Variants in KIAA1671 observed in about 807,000 individuals in gnomAD.
KIAA1671 encodes the protein uncharacterized protein KIAA1671.
KIAA1671 carries 52 observed loss-of-function variants against 131.2 expected under a neutral mutation model. The ratio of observed to expected loss-of-function variants is 0.40; its 90% CI spans 0.32 to 0.50. The LOEUF is 0.50. Ranked by LOEUF, KIAA1671 falls within the 20% of genes least tolerant of loss-of-function variation. The pLI is 0.73. For synonymous variants in KIAA1671, 1,003 were observed against 961.6 expected (o/e 1.04, Z -0.80); for missense variants, 2,360 against 2,364.2 (o/e 1.00, Z 0.04).
chr22:25,053,470 G>A (rs1927655834), intron 6 of KIAA1671: 1 of 152,258 alleles, frequency 6.6e-6, no homozygotes, highest in Non-Finnish European at 1.5e-5. Flanking sequence ...TCAGCTGGGA[G>A]GCTTCCTTGC....
Position 25,177,488 on chromosome 22 carries a change from G to C in KIAA1671, c.5040G>C (p.Glu1680Asp), listed in dbSNP as rs1934076667. ...AGAGCAGATCACCTTTGGAGGATGA[G>C]ACTGACAACACGTGGATGTTCAAAG... ...ESESRSPLED[E>D]TDNTWMFKDS... is the part of the protein sequence containing the mutation. The change falls in exon 9 of 13, where the codon GAG becomes GAC. Residue 1680 changes from glutamate to aspartate, a missense_variant. This residue lies in a region of KIAA1671 where 1,161 missense variants were observed against 1,204.7 expected (regional missense o/e 0.96). Coordinates refer to ENST00000358431, the MANE Select transcript of KIAA1671 (RefSeq NM_001145206.2). 2 of 1,551,640 alleles carry C rather than the reference G, an allele frequency of 1.3e-6. No individual in the cohort carries two copies. The highest frequency in any genetic ancestry group is 2.0e-5 in the Admixed American group (1 of 51,010).
intron 6 of KIAA1671, among the ~76,000 whole-genome samples, chr22:25,074,202 T>TA (rs1163485224): frequency 6.9e-5 from 10 of 145,904 alleles, no homozygotes; most frequent in Non-Finnish European, 1.4e-4. Flanking sequence ...ATATATATAT[T>TA]ATTGAATATA....
At chr22:25,012,569 G>A (rs993041356) in intron 1 of KIAA1671, 3 of 152,002 alleles carry the variant, frequency 2.0e-5, no homozygotes, top group Admixed American at 6.6e-5. Flanking sequence ...CACCATGCCC[G>A]GCCACTTTTC....
intron 1 of KIAA1671, among the ~76,000 whole-genome samples, chr22:25,003,362 A>AAAATTAGCCAT (rs1326533014): frequency 6.6e-6 from 1 of 151,764 alleles, no homozygotes. Flanking sequence ...AAAAAAGATT[A>AAAATTAGCCAT]AAATTAGCCA....
chr22:25,001,346 G>A (rs541798243), intron 1 of KIAA1671, among the ~76,000 whole-genome samples: 2 of 152,082 alleles, frequency 1.3e-5, no homozygotes, highest in South Asian at 4.2e-4. Context: ...ATTCTTAATG[G>A]TGTCTTCTAA....
intron 6 of KIAA1671, among the ~76,000 whole-genome samples, chr22:25,139,617 G>A (rs1254154587): frequency 2.0e-5 from 3 of 152,198 alleles, no homozygotes; most frequent in Non-Finnish European, 4.4e-5. Flanking sequence ...TCTAGTTGGA[G>A]TTGGGAAGAG....
intron 1 of KIAA1671, among the ~76,000 whole-genome samples, chr22:24,956,978 T>C (rs1372746045): frequency 1.3e-5 from 2 of 152,110 alleles, no homozygotes; most frequent in Admixed American, 1.3e-4. Flanking sequence ...GGTTATGGTT[T>C]TGAGACTCGA....
chr22:25,033,091 A>G (rs1471036367), intron 4 of KIAA1671, among the ~76,000 whole-genome samples: 3 of 152,142 alleles, frequency 2.0e-5, no homozygotes, highest in South Asian at 2.1e-4. Context: ...CATAGAAGGA[A>G]GAAGTAGGTG....
intron 1 of KIAA1671, among the ~76,000 whole-genome samples, chr22:24,984,953 T>TAAAC (rs1315900210): frequency 9.0e-6 from 1 of 111,358 alleles, no homozygotes; most frequent in Non-Finnish European, 1.8e-5. Flanking sequence ...CAAACAGCAA[T>TAAAC]AAACGCTGAC....
intron 1 of KIAA1671, among the ~76,000 whole-genome samples, chr22:24,973,397 T>TTTG: frequency 1.1e-5 from 1 of 92,012 alleles, no homozygotes; most frequent in South Asian, 4.7e-4. Flanking sequence ...TGGTTTTTTT[T>TTTG]TTTTTTTTTT....
intron 4 of KIAA1671, among the ~76,000 whole-genome samples, chr22:25,035,027 G>A (rs1256322304): frequency 6.9e-6 from 1 of 145,882 alleles, no homozygotes; most frequent in Non-Finnish European, 1.5e-5. Flanking sequence ...ATAAGCCACT[G>A]CGCCTGGCCT....
chr22:25,112,839 C>T (rs943040213), intron 6 of KIAA1671: 1 of 155,460 alleles, frequency 6.4e-6, no homozygotes, highest in African/African-American at 2.4e-5. Flanking sequence ...CTCTCACCCT[C>T]CTAGGAAGCA....
Position 25,041,234 on chromosome 22 carries a change from C to A in KIAA1671, c.4104C>A (p.Pro1368=). 6.4e-7 allele frequency: 1 copy of A among 1,551,754 alleles called. No individual in the cohort carries two copies. Among genetic ancestry groups the A allele is most frequent in the Non-Finnish European group, 8.7e-7 (1 of 1,147,008 alleles). ...TCAGGGTGTCACCCAAATCGCCCCCCACTGACCAGAAGAAAGGGACCCCAA... is the reference window on the plus strand; with the variant it reads ...TCAGGGTGTCACCCAAATCGCCCCCAACTGACCAGAAGAAAGGGACCCCAA... ...SGVRVSPKSP[P]TDQKKGTPRK... The change falls in exon 5 of 13, where the codon CCC becomes CCA. Residue 1368 remains proline, a synonymous_variant. Transcript: ENST00000358431.
intron 1 of KIAA1671, chr22:25,012,010 T>C (rs1283501931): frequency 1.3e-5 from 2 of 152,194 alleles, no homozygotes; most frequent in Non-Finnish European, 2.9e-5. Context: ...AGTTCTTAAA[T>C]ATTTTTTAAA....
intron 1 of KIAA1671, among the ~76,000 whole-genome samples, chr22:25,007,550 G>T (rs1444566930): frequency 6.6e-6 from 1 of 151,812 alleles, no homozygotes; most frequent in African/African-American, 2.4e-5. Context: ...CTTGACTCTG[G>T]AGGTGGGGCT....
At chr22:25,135,511 T>C (rs941326153) in intron 6 of KIAA1671, among the ~76,000 whole-genome samples, 1 of 152,196 alleles carries the variant, frequency 6.6e-6, no homozygotes, top group Non-Finnish European at 1.5e-5. Context: ...GTGTGTTTCT[T>C]TGTGTAGTAT....
chr22:24,962,561 A>T (rs1922071290), intron 1 of KIAA1671, among the ~76,000 whole-genome samples: 1 of 152,208 alleles, frequency 6.6e-6, no homozygotes, highest in African/African-American at 2.4e-5. Context: ...TCTGGGCCTC[A>T]GTTTTCTCAT....
At chr22:24,988,818 G>A (rs2123842526) in intron 1 of KIAA1671, among the ~76,000 whole-genome samples, 1 of 152,210 alleles carries the variant, frequency 6.6e-6, no homozygotes, top group African/African-American at 2.4e-5. Flanking sequence ...AAGATGGGGA[G>A]GGAATGGGGC....
chr22:24,965,665 G>A (rs369050411), intron 1 of KIAA1671, among the ~76,000 whole-genome samples: 119 of 150,960 alleles, frequency 7.9e-4, no homozygotes, highest in Non-Finnish European at 1.2e-3. Context: ...GCTTGAACCC[G>A]CGAGGTGGAG....
Sources: allele counts gnomAD v4.1 joint callset (sites outside exome capture counted in the v4.1 genomes callset), GRCh38; gene constraint gnomAD v4.1.1; regional missense constraint gnomAD v4.1.1; transcripts MANE v1.5; gene names NCBI Gene and HGNC (gene_info 2026-07-23, HGNC 2026-07-21).